Variants in KCND3 observed in about 807,000 individuals in gnomAD.
KCND3 encodes the protein potassium voltage-gated channel subfamily D member 3, also known as A-type voltage-gated potassium channel KCND3.
Under a neutral mutation model 51.1 loss-of-function variants are expected in KCND3, and 9 were observed. That is an observed-to-expected ratio of 0.18 (90% CI 0.11 to 0.31). The LOEUF (loss-of-function observed/expected upper bound fraction) is 0.31. KCND3 is among the 10% of genes least tolerant of loss of function. The pLI, the probability that KCND3 is intolerant of heterozygous loss-of-function variation, is 1.00. For missense variants in KCND3, 526 were observed against 903.8 expected (o/e 0.58, Z 5.36); for synonymous variants, 349 against 368.0 (o/e 0.95, Z 0.59).
At chr1:111,854,569 C>T (rs1332779901) in intron 2 of KCND3, among the ~76,000 whole-genome samples, 3 of 152,200 alleles carry the variant, frequency 2.0e-5, no homozygotes, top group East Asian at 1.9e-4. Context: ...AGGCAGGCGT[C>T]GGGTGAGACA....
At chr1:111,827,749 T>C (rs1215601832) in intron 2 of KCND3, among the ~76,000 whole-genome samples, 1 of 152,186 alleles carries the variant, frequency 6.6e-6, no homozygotes, top group African/African-American at 2.4e-5. Context: ...TATCTTCACT[T>C]TGCTCTCTGC....
chr1:111,790,604 T>C (rs941285439), intron 2 of KCND3, among the ~76,000 whole-genome samples: 10 of 152,228 alleles, frequency 6.6e-5, no homozygotes, highest in Non-Finnish European at 7.3e-5. Flanking sequence ...AATCCAACCA[T>C]TTAAATTATG....
At chr1:111,894,277 G>A (rs1571811008) in intron 2 of KCND3, among the ~76,000 whole-genome samples, 2 of 152,252 alleles carry the variant, frequency 1.3e-5, no homozygotes, top group Middle Eastern at 6.8e-3. Flanking sequence ...GGCTTTGGCT[G>A]TGTTCTATGT....
At chr1:111,878,748 T>C (rs1669173876) in intron 2 of KCND3, among the ~76,000 whole-genome samples, 1 of 152,202 alleles carries the variant, frequency 6.6e-6, no homozygotes, top group Non-Finnish European at 1.5e-5. Flanking sequence ...AATGCAGAGT[T>C]AGCTGTACCA....
At chr1:111,976,206 G>A (rs1176095084) in intron 2 of KCND3, among the ~76,000 whole-genome samples, 1 of 152,176 alleles carries the variant, frequency 6.6e-6, no homozygotes, top group Non-Finnish European at 1.5e-5. Context: ...CATGGGTAGA[G>A]GGGCTTACCT....
At chr1:111,884,479 G>A (rs1017265306) in intron 2 of KCND3, among the ~76,000 whole-genome samples, 1 of 152,184 alleles carries the variant, frequency 6.6e-6, no homozygotes, top group African/African-American at 2.4e-5. Flanking sequence ...GGGGACAATG[G>A]AGGGAGAGGA....
intron 2 of KCND3, among the ~76,000 whole-genome samples, chr1:111,878,191 C>T (rs190187061): frequency 6.6e-6 from 1 of 152,352 alleles, no homozygotes; most frequent in Admixed American, 6.5e-5. Flanking sequence ...TGGCTTGATG[C>T]CACTGCCAAC....
At chr1:111,854,583 AC>A (rs1334902159) in intron 2 of KCND3, among the ~76,000 whole-genome samples, 1 of 152,106 alleles carries the variant, frequency 6.6e-6, no homozygotes, top group Non-Finnish European at 1.5e-5. Flanking sequence ...TGAGACACTG[AC>A]CCTTGCCACT....
Position 111,773,420 on chromosome 1 carries a change from C to CTTT in KCND3, c.*2654_*2656dup, listed in dbSNP as rs1663995514. 1.6e-5 allele frequency: 1 copy of CTTT among 64,236 alleles called. No homozygotes were observed. The highest frequency in any genetic ancestry group is 8.5e-5 in the African/African-American group (1 of 11,822). 4.0% of individuals were successfully genotyped at this position (64,236 alleles called of 1,614,324 possible). A position where few individuals can be genotyped will look rare whatever the true frequency, so the allele number is the denominator to read the frequency against. On this transcript the variant is annotated 3_prime_UTR_variant, in exon 8 of 8. Transcript: ENST00000302127. ...TCTAATTTACCTCCTTTTTTTTTTT[C>CTTT]TTTTCTTTTTTTTTTTTTTGAGACG... is the stretch of plus-strand genomic sequence containing the variant.
chr1:111,917,213 A>G (rs992270313), intron 2 of KCND3, among the ~76,000 whole-genome samples: 1 of 152,194 alleles, frequency 6.6e-6, no homozygotes, highest in Non-Finnish European at 1.5e-5. Flanking sequence ...GATCATTTCT[A>G]TTTACCATTT....
At chr1:111,979,601 T>G (rs1443924) in intron 2 of KCND3, among the ~76,000 whole-genome samples, 36,134 of 152,096 alleles carry the variant, frequency 0.24, 4,743 homozygotes, top group Middle Eastern at 0.32. Flanking sequence ...GAAAGGGCAT[T>G]GGAGCAGCCA....
In KCND3 at chr1:111,940,073, G is replaced by GTTTTTTT. The variant is rs61088602; in HGVS notation, c.1106+41541_1106+41547dup. ...TATATCCTTCGCCTACTTTTTGATG[G>GTTTTTTT]TTTTTTTTTTTTTTTTTTTTTTTGT... On this transcript the variant is annotated intron_variant, in intron 2 of 7. Coordinates refer to ENST00000302127, the MANE Select transcript of KCND3 (RefSeq NM_001378969.1). Among the ~76,000 whole-genome samples, 186 of 85,456 alleles carry GTTTTTTT rather than the reference G, an allele frequency of 2.2e-3. 2 individuals carry two copies. The highest frequency in any genetic ancestry group is 3.4e-3 in the South Asian group (7 of 2,056). 56.1% of individuals were successfully genotyped at this position (85,456 alleles called of 152,430 possible). A position where few individuals can be genotyped will look rare whatever the true frequency, so the allele number is the denominator to read the frequency against.
chr1:111,988,512 A>G (rs139904367), intron 1 of KCND3, among the ~76,000 whole-genome samples: 3 of 152,296 alleles, frequency 2.0e-5, no homozygotes, highest in South Asian at 2.1e-4. Context: ...CTGTGTGCCA[A>G]CAGGTCCACA....
At chr1:111,834,007 TGAAAATCC>T (rs1447880417) in intron 2 of KCND3, among the ~76,000 whole-genome samples, 1 of 152,198 alleles carries the variant, frequency 6.6e-6, no homozygotes, top group East Asian at 1.9e-4. Flanking sequence ...CAATCAGGTA[TGAAAATCC>T]TTGATAAGCT....
chr1:111,845,505 C>T (rs1357500014), intron 2 of KCND3, among the ~76,000 whole-genome samples: 1 of 152,160 alleles, frequency 6.6e-6, no homozygotes, highest in African/African-American at 2.4e-5. Context: ...CCAAATGGAG[C>T]TTTACTGTCT....
rs538140970 is a variant in KCND3, at chr1:111,808,612, A to G, written c.1107-21506T>C. Among the ~76,000 whole-genome samples, 253 of 152,346 alleles carry G rather than the reference A, an allele frequency of 1.7e-3. 1 individual carries two copies. In the Middle Eastern group the frequency reaches 0.037, roughly 23 times the overall value. ...GACTAAAGGTCACAATAAATACCTC[A>G]GTGTTCATGGTAAACAGGGAGCATG... On this transcript the variant is annotated intron_variant, in intron 2 of 7. Coordinates refer to ENST00000302127, the MANE Select transcript of KCND3 (RefSeq NM_001378969.1).
intron 2 of KCND3, among the ~76,000 whole-genome samples, chr1:111,931,980 G>A (rs566505951): frequency 6.6e-6 from 1 of 152,356 alleles, no homozygotes; most frequent in East Asian, 1.9e-4. Context: ...AACGTATACA[G>A]TTCTGGAGAT....
intron 2 of KCND3, among the ~76,000 whole-genome samples, chr1:111,845,956 G>C (rs575853787): frequency 6.6e-6 from 1 of 152,272 alleles, no homozygotes; most frequent in African/African-American, 2.4e-5. Flanking sequence ...CTTCAGCCTA[G>C]TCTCTCTAGA....
chr1:111,881,928 T>A (rs1669348302), intron 2 of KCND3, among the ~76,000 whole-genome samples: 1 of 152,198 alleles, frequency 6.6e-6, no homozygotes, highest in African/African-American at 2.4e-5. Flanking sequence ...CGTGCTTGGC[T>A]CAGAGTCACA....
Sources: allele counts gnomAD v4.1 joint callset (sites outside exome capture counted in the v4.1 genomes callset), GRCh38; gene constraint gnomAD v4.1.1; transcripts MANE v1.5; gene names NCBI Gene and HGNC (gene_info 2026-07-23, HGNC 2026-07-21).